The following ZBTB7C variants were observed in gnomAD, a reference collection of about 807,000 sequenced individuals.
ZBTB7C encodes zinc finger and BTB domain-containing protein 7C.
In ZBTB7C, 8 loss-of-function variants were observed where a neutral mutation model predicts 25.7. That is an observed-to-expected ratio of 0.31 (90% CI 0.18 to 0.56). ZBTB7C has a LOEUF of 0.56. ZBTB7C is among the 20% of genes least tolerant of loss of function. The pLI is 0.91. For synonymous variants in ZBTB7C, 394 were observed against 369.0 expected (o/e 1.07, Z -0.78); for missense variants, 824 against 855.2 (o/e 0.96, Z 0.46).
chr18:48,393,330 G>A (rs1434316135), intron 1 of ZBTB7C, among the ~76,000 whole-genome samples: 1 of 147,026 alleles, frequency 6.8e-6, no homozygotes, highest in Non-Finnish European at 1.5e-5. Flanking sequence ...CTGCAGGGAA[G>A]GTGAAGCTAG....
rs1270092784 is a variant in ZBTB7C at position 48,041,116 on chromosome 18, C to G, written c.-9G>C. 1.3e-6 allele frequency: 2 copies of G among 1,586,056 alleles called. No individual in the cohort carries two copies. The highest frequency in any genetic ancestry group is 2.7e-5 in the African/African-American group (2 of 74,588). ...TCAATGTCATTGGCCATGTTCTCAG[C>G]CAGAGCCCTGCAGAGACACACAGAG... is the stretch of plus-strand genomic sequence containing the variant. On this transcript the variant is annotated 5_prime_UTR_variant, in exon 4 of 5. Transcript: ENST00000590800.
chr18:48,286,826 G>T (rs146141608), intron 2 of ZBTB7C, among the ~76,000 whole-genome samples: 8,108 of 152,096 alleles, frequency 0.053, 260 homozygotes, highest in Non-Finnish European at 0.072. Flanking sequence ...CTAAGGCAGG[G>T]GGATCACTTG....
intron 2 of ZBTB7C, among the ~76,000 whole-genome samples, chr18:48,188,589 C>G (rs1347164470): frequency 6.6e-6 from 1 of 152,170 alleles, no homozygotes; most frequent in East Asian, 1.9e-4. Context: ...GGCTCATAAG[C>G]ATGGTGTTTG....
At chr18:48,357,323 A>T (rs2046997671) in intron 1 of ZBTB7C, among the ~76,000 whole-genome samples, 1 of 152,142 alleles carries the variant, frequency 6.6e-6, no homozygotes, top group Non-Finnish European at 1.5e-5. Flanking sequence ...GACAAACTGC[A>T]CCTTCTTGTT....
intron 3 of ZBTB7C, among the ~76,000 whole-genome samples, chr18:48,043,925 G>C (rs958064314): frequency 6.6e-6 from 1 of 152,142 alleles, no homozygotes; most frequent in African/African-American, 2.4e-5. Flanking sequence ...AGAGGAGGGG[G>C]GCGCTTTACC....
chr18:48,039,996 T>C lies in ZBTB7C; in HGVS notation c.1112A>G (p.Lys371Arg). 6.2e-7 allele frequency: 1 copy of C among 1,614,054 alleles called. No homozygotes were observed. The highest frequency in any genetic ancestry group is 8.5e-7 in the Non-Finnish European group (1 of 1,180,018). ...CAGCTTCCCGGCCCCCATGATGACT[T>C]TGTGGCAGATGGGGCACTGCTGAGA... The part of the protein sequence containing the change: ...KASQQCPICH[K>R]VIMGAGKLPR... The change falls in exon 4 of 5, where the codon AAA becomes AGA. Residue 371 changes from lysine to arginine, a missense_variant. By Grantham distance (26) the Lys-to-Arg change is conservative. Around this residue, in one of 4 missense-constraint regions of ZBTB7C, gnomAD observed 49 missense variants for 81.3 expected, o/e 0.60. Coordinates refer to ENST00000590800, the MANE Select transcript of ZBTB7C (RefSeq NM_001318841.2).
intron 3 of ZBTB7C, among the ~76,000 whole-genome samples, chr18:48,114,540 G>C (rs1488008890): frequency 6.6e-6 from 1 of 152,058 alleles, no homozygotes; most frequent in Non-Finnish European, 1.5e-5. Context: ...GGTCCAAGTT[G>C]CAGTGAGCCA....
chr18:48,149,127 T>TGA (rs2040587588), intron 3 of ZBTB7C: 1 of 149,924 alleles, frequency 6.7e-6, no homozygotes, highest in Non-Finnish European at 1.5e-5. Flanking sequence ...AGGGCAGGCC[T>TGA]GTGTGTGTGC....
chr18:48,370,885 A>T (rs925335411), intron 1 of ZBTB7C, among the ~76,000 whole-genome samples: 4 of 152,216 alleles, frequency 2.6e-5, no homozygotes, highest in African/African-American at 9.6e-5. Context: ...TGGCCTCTTC[A>T]GGATCTTCCA....
At chr18:48,304,261 C>T (rs969141294) in intron 2 of ZBTB7C, among the ~76,000 whole-genome samples, 36 of 152,338 alleles carry the variant, frequency 2.4e-4, no homozygotes, top group Admixed American at 1.8e-3. Context: ...GGGATAGCCT[C>T]AAGTGCTTTT....
chr18:48,367,175 T>TATATATATATATATA (rs2047242433), intron 1 of ZBTB7C, among the ~76,000 whole-genome samples: 15 of 62,234 alleles, frequency 2.4e-4, no homozygotes, highest in African/African-American at 9.7e-4. Flanking sequence ...TCCCCAAGTT[T>TATATATATATATATA]TATATATATA....
chr18:48,139,697 G>A (rs1409360269), intron 3 of ZBTB7C, among the ~76,000 whole-genome samples: 2 of 143,304 alleles, frequency 1.4e-5, no homozygotes, highest in East Asian at 4.7e-4. Context: ...GGGGAGCCCC[G>A]CCCCACCACC....
intron 1 of ZBTB7C, chr18:48,350,395 T>C (rs1467937566): frequency 1.3e-5 from 2 of 152,238 alleles, no homozygotes; most frequent in Non-Finnish European, 1.5e-5. Context: ...TCTCCCTCTC[T>C]GACCACGGCC....
At chr18:48,067,203 G>T (rs561309562) in intron 3 of ZBTB7C, among the ~76,000 whole-genome samples, 1 of 152,312 alleles carries the variant, frequency 6.6e-6, no homozygotes, top group South Asian at 2.1e-4. Flanking sequence ...GCCTCCTGGA[G>T]TCATAGCCTT....
chr18:48,297,043 C>A (rs1462746801), intron 2 of ZBTB7C, among the ~76,000 whole-genome samples: 1 of 152,126 alleles, frequency 6.6e-6, no homozygotes, highest in African/African-American at 2.4e-5. Context: ...TCCCCCACCC[C>A]ACCCCGTCTG....
At chr18:48,266,304 GAGA>G (rs1177329970) in intron 2 of ZBTB7C, among the ~76,000 whole-genome samples, 4 of 152,142 alleles carry the variant, frequency 2.6e-5, no homozygotes, top group African/African-American at 9.7e-5. Flanking sequence ...GGAGGCGACT[GAGA>G]AGGACTATTG....
At chr18:48,389,220 CTCTCTCTCTCTCTCTCGT>C (rs1336673597) in intron 1 of ZBTB7C, among the ~76,000 whole-genome samples, 13 of 126,968 alleles carry the variant, frequency 1.0e-4, no homozygotes, top group East Asian at 8.6e-4. Flanking sequence ...CTCTCTCTCT[CTCTCTCTCTCTCTCTCGT>C]GTGTGTGTGT....
Position 48,040,295 on chromosome 18 carries a change from A to G in ZBTB7C, c.813T>C (p.Pro271=). ...PGDFGAFAQL[P]EQPMDSGPLD... ...GTGGCCCACTGTCCATGGGCTGCTC[A>G]GGCAGCTGGGCAAAGGCACCGAAGT... The change falls in exon 4 of 5, where the codon CCT becomes CCC. Residue 271 remains proline (P), a synonymous_variant. Transcript: ENST00000590800. The G allele has an allele frequency of 1.3e-6, 2 of 1,575,092 alleles. No individual in the cohort carries two copies. Among genetic ancestry groups the G allele is most frequent in the Non-Finnish European group, 1.7e-6 (2 of 1,162,676 alleles).
chr18:48,165,349 G>A, intron 3 of ZBTB7C: 1 of 393,840 alleles, frequency 2.5e-6, no homozygotes, highest in Non-Finnish European at 5.1e-6. Context: ...GACAATGAGT[G>A]TCCAGTGATG....
Sources: allele counts gnomAD v4.1 joint callset (sites outside exome capture counted in the v4.1 genomes callset), GRCh38; gene constraint gnomAD v4.1.1; regional missense constraint gnomAD v4.1.1; transcripts MANE v1.5; gene names NCBI Gene and HGNC (gene_info 2026-07-23, HGNC 2026-07-21).